RASEF: variants seen among roughly 807,000 people sequenced by gnomAD.
RASEF encodes RAS and EF-hand domain containing.
RASEF carries 68 observed loss-of-function variants against 90.1 expected under a neutral mutation model. That is an observed-to-expected ratio of 0.75 (90% CI 0.62 to 0.92). RASEF has a LOEUF of 0.92. Among genes scored for constraint, RASEF ranks in the 40% least tolerant of loss-of-function variants. The pLI is 0.00. For synonymous variants in RASEF, 331 were observed against 345.2 expected (o/e 0.96, Z 0.46); for missense variants, 949 against 937.2 (o/e 1.01, Z -0.16).
At chr9:83,135,796 G>A in the RASEF span, among the ~76,000 whole-genome samples, 1 of 152,092 alleles carries the variant, frequency 6.6e-6, no homozygotes, top group Non-Finnish European at 1.5e-5. Flanking sequence ...AAGTATGTTA[G>A]AGGAGAATAG....
chr9:83,015,774 G>A, intron 4 of RASEF, 31 bp downstream of exon 4: 3 of 1,499,930 alleles, frequency 2.0e-6, no homozygotes, highest in South Asian at 1.1e-5. Context: ...TGCTGAGGCT[G>A]TTCCTACAAG....
chr9:83,199,223 TTAAAAAAAAAA>T, the RASEF span, among the ~76,000 whole-genome samples: 8 of 56,246 alleles, frequency 1.4e-4, no homozygotes, highest in Middle Eastern at 0.01. Flanking sequence ...CAGCCCTAAT[TTAAAAAAAAAA>T]AAAAAAAAAA....
At chr9:83,209,522 G>A in the RASEF span, among the ~76,000 whole-genome samples, 1 of 152,248 alleles carries the variant, frequency 6.6e-6, no homozygotes, top group Non-Finnish European at 1.5e-5. Context: ...AACTGGCCCA[G>A]GCCAAGGGCT....
Position 82,982,797 on chromosome 9 carries a change from GAGAGAGAC to G in RASEF, c.2118-23_2118-16del. On this transcript the variant is annotated splice_polypyrimidine_tract_variant and intron_variant, in intron 16 of 16. Coordinates refer to ENST00000376447, the MANE Select transcript of RASEF (RefSeq NM_152573.4). ...TTTTCACTTCTCTGAGACAGAGATA[GAGAGAGAC>G]AGAGAGAGAGAGAGAGAGAGAGAGA... 3 of 1,217,438 alleles carry G rather than the reference GAGAGAGAC, an allele frequency of 2.5e-6. No homozygotes were observed. The highest frequency in any genetic ancestry group is 3.6e-6 in the Non-Finnish European group (3 of 841,058). 75.4% of individuals were successfully genotyped at this position (1,217,438 alleles called of 1,614,324 possible).
In RASEF at chr9:83,001,011, G is replaced by A. The variant is rs558110307; in HGVS notation, c.1322C>T (p.Ser441Phe). 19 of 1,614,122 alleles carry A rather than the reference G, an allele frequency of 1.2e-5. No individual in the cohort carries two copies. The Admixed American group carries it at 1.5e-4, about 13-fold the overall frequency. The change falls in exon 10 of 17, where the codon TCT (serine) becomes TTT (phenylalanine). Residue 441 changes from serine (S) to phenylalanine (F), a missense_variant. Transcript: ENST00000376447. Reference protein sequence around the residue: ...LPESCFDSGLSTLRDPNEYDS... With the variant: ...LPESCFDSGLFTLRDPNEYDS... The stretch of plus-strand genomic sequence containing the variant: ...ATACTCATTGGGATCTCTCAAGGTA[G>A]ACAAGCCGCTGTCGAAGCAGCTTTC...
Position 83,062,338 on chromosome 9 carries a change from TAG to T in RASEF, c.431+97_431+98del, listed in dbSNP as rs377437557. The T allele has an allele frequency of 5.8e-3, 4,328 of 748,994 alleles. 25 individuals carry two copies. Among genetic ancestry groups the T allele is most frequent in the African/African-American group, 0.035 (832 of 23,568 alleles). 46.4% of individuals were successfully genotyped at this position (748,994 alleles called of 1,614,324 possible). On this transcript the variant is annotated intron_variant, in intron 1 of 16. Coordinates refer to ENST00000376447, the MANE Select transcript of RASEF (RefSeq NM_152573.4). ...AAGACAAGCAACTCACAGAGAAGACTAGGGGGGGGGGCCATTGGGTCTGCACA... is the reference window on the plus strand; with the variant it reads ...AAGACAAGCAACTCACAGAGAAGACTGGGGGGGGGCCATTGGGTCTGCACA...
intron 4 of RASEF, among the ~76,000 whole-genome samples, chr9:83,013,492 C>T (rs1264811391): frequency 5.3e-5 from 8 of 152,160 alleles, no homozygotes; most frequent in Admixed American, 2.6e-4. Context: ...GAAAAACCAT[C>T]GGGAAAAAAT....
At chr9:83,045,183 G>A (rs1409427987) in intron 1 of RASEF, among the ~76,000 whole-genome samples, 2 of 152,120 alleles carry the variant, frequency 1.3e-5, no homozygotes, top group Non-Finnish European at 2.9e-5. Context: ...CTGTGTGTAT[G>A]TACATGTATG....
the RASEF span, among the ~76,000 whole-genome samples, chr9:83,206,419 G>A: frequency 2.6e-5 from 4 of 152,066 alleles, no homozygotes; most frequent in African/African-American, 4.8e-5. Flanking sequence ...CCATACAAAC[G>A]ACAAGACAGC....
chr9:83,004,671 T>C, intron 8 of RASEF, 85 bp from the exon 9 acceptor site: 4 of 819,234 alleles, frequency 4.9e-6, no homozygotes, highest in Non-Finnish European at 8.2e-6. Flanking sequence ...CAAACCCATT[T>C]TTTAAAACTG....
rs759855380 is a variant in RASEF, at chr9:83,005,405, A to C, written c.1113+11T>G. On this transcript the variant is annotated intron_variant, in intron 8 of 16. Coordinates refer to ENST00000376447, the MANE Select transcript of RASEF (RefSeq NM_152573.4). ...AAAGAATGAAATACATGGTAAAACT[A>C]TGTGGCATACCAAAGATCTGTTGAA... 8.2e-6 allele frequency: 13 copies of C among 1,583,882 alleles called. No homozygotes were observed. The African/African-American group carries it at 1.7e-4, about 21-fold the overall frequency.
At chr9:83,131,000 A>G in the RASEF span, among the ~76,000 whole-genome samples, 1 of 152,210 alleles carries the variant, frequency 6.6e-6, no homozygotes, top group African/African-American at 2.4e-5. Flanking sequence ...TTTAGCTCTA[A>G]CACTAGCTAG....
the RASEF span, among the ~76,000 whole-genome samples, chr9:83,127,865 C>T: frequency 6.5e-3 from 983 of 152,240 alleles, 17 homozygotes; most frequent in African/African-American, 0.023. Context: ...ATTCTTCATG[C>T]ATTTCAACAA....
the RASEF span, among the ~76,000 whole-genome samples, chr9:83,175,741 C>T: frequency 2.1e-4 from 32 of 152,088 alleles, no homozygotes; most frequent in South Asian, 6.2e-4. Flanking sequence ...CTGCCATGCC[C>T]GGCTAATTTT....
chr9:83,165,482 A>C, the RASEF span, among the ~76,000 whole-genome samples: 1 of 152,158 alleles, frequency 6.6e-6, no homozygotes, highest in African/African-American at 2.4e-5. Flanking sequence ...AACTTATCAA[A>C]TTTTGTTAGC....
chr9:83,007,592 T>G (rs1564075194), intron 6 of RASEF, 87 bp from the exon 7 acceptor site: 1 of 946,998 alleles, frequency 1.1e-6, no homozygotes, highest in Non-Finnish European at 1.7e-6. Flanking sequence ...CTTTCCCACC[T>G]TTTTCAAAGA....
At chr9:83,091,990 T>C in the RASEF span, among the ~76,000 whole-genome samples, 1 of 148,392 alleles carries the variant, frequency 6.7e-6, no homozygotes, top group Admixed American at 6.8e-5. Context: ...TTTATATTCT[T>C]TTTCTTTTAT....
chr9:83,074,399 G>C, the RASEF span, among the ~76,000 whole-genome samples: 1 of 151,630 alleles, frequency 6.6e-6, no homozygotes. Flanking sequence ...TTTGTCACCT[G>C]TCTGTGTTTA....
At chr9:83,127,715 G>T in the RASEF span, among the ~76,000 whole-genome samples, 6 of 152,204 alleles carry the variant, frequency 3.9e-5, no homozygotes, top group Non-Finnish European at 2.9e-5. Context: ...GGGTGGGACA[G>T]GCAATCCTTT....
Sources: allele counts gnomAD v4.1 joint callset (sites outside exome capture counted in the v4.1 genomes callset), GRCh38; gene constraint gnomAD v4.1.1; transcripts MANE v1.5; gene names NCBI Gene and HGNC (gene_info 2026-07-23, HGNC 2026-07-21).